The following DCDC1 variants were observed in gnomAD, a reference collection of about 807,000 sequenced individuals.
The protein encoded by DCDC1 is doublecortin domain containing 1, also known as doublecortin domain-containing protein 1.
A neutral mutation model predicts 178.3 loss-of-function variants in DCDC1; 200 were observed. The observed-to-expected ratio is 1.12, with a 90% CI of 1.00 to 1.26. The LOEUF is 1.26. Ranked by LOEUF, DCDC1 falls within the 50% of genes most tolerant of loss-of-function variation. The probability of loss-of-function intolerance (pLI) is 0.00; values close to 1 mark genes in which losing one functional copy is unlikely to be tolerated. For missense variants in DCDC1, 1,983 were observed against 1,749.2 expected (o/e 1.13, Z -2.38); for synonymous variants, 690 against 604.8 (o/e 1.14, Z -2.07).
chr11:31,031,056 C>A (rs944968762), intron 20 of DCDC1, among the ~76,000 whole-genome samples: 1 of 152,078 alleles, frequency 6.6e-6, no homozygotes, highest in African/African-American at 2.4e-5. Context: ...ATTGTAATTT[C>A]TGATGAATTA....
At position 30,903,669 on chromosome 11, in the gene DCDC1, G is replaced by A; in HGVS notation, c.4323C>T (p.Cys1441=). 2.5e-6 allele frequency: 4 copies of A among 1,602,804 alleles called. No homozygotes were observed. The highest frequency in any genetic ancestry group is 3.4e-6 in the Non-Finnish European group (4 of 1,174,132). Residue 1441 remains cysteine (C), a synonymous_variant, in exon 32 of 39, where the codon TGC becomes TGT. Coordinates refer to ENST00000684477, the MANE Select transcript of DCDC1 (RefSeq NM_001387274.1). ...CTCTGGCAAGCCCAAGTTGTTCCGT[G>A]CATTCTGTAAGAAGCTAGATAACAC... ...AGTFPMLLTE[C]TEQLGLARAA...
intron 9 of DCDC1, among the ~76,000 whole-genome samples, chr11:31,208,878 C>T (rs1446683918): frequency 6.6e-6 from 1 of 152,200 alleles, no homozygotes; most frequent in Non-Finnish European, 1.5e-5. Context: ...AACCACTAGC[C>T]ATTCTCTGAA....
At chr11:31,166,887 G>A (rs1055222904) in intron 9 of DCDC1, among the ~76,000 whole-genome samples, 1 of 152,072 alleles carries the variant, frequency 6.6e-6, no homozygotes, top group Non-Finnish European at 1.5e-5. Context: ...ATGATGATTA[G>A]AGTTCTAGTA....
chr11:31,290,526 ATAAT>A, intron 7 of DCDC1, 117 bp downstream of exon 7: 1 of 1,106,944 alleles, frequency 9.0e-7, no homozygotes. Context: ...TTAGTTCTAT[ATAAT>A]GTCTTGTTAA....
chr11:30,915,447 A>C (rs1358009967), intron 27 of DCDC1, 64 bp downstream of exon 27: 1 of 1,566,338 alleles, frequency 6.4e-7, no homozygotes, highest in East Asian at 2.2e-5. Context: ...TGTGGGGACC[A>C]TGCTAGACTT....
chr11:30,919,465 A>G (rs1946086965), intron 25 of DCDC1, among the ~76,000 whole-genome samples: 1 of 152,196 alleles, frequency 6.6e-6, no homozygotes, highest in Admixed American at 6.5e-5. Flanking sequence ...ATTCAGAACA[A>G]TGACGATCTT....
At chr11:30,945,736 CTATCTAT>C (rs1947990031) in intron 21 of DCDC1, among the ~76,000 whole-genome samples, 1 of 145,810 alleles carries the variant, frequency 6.9e-6, no homozygotes. Context: ...ATCTATCTAT[CTATCTAT>C]CTATCTGTCT....
At chr11:31,356,003 C>T (rs866822357) in intron 1 of DCDC1, among the ~76,000 whole-genome samples, 26 of 152,174 alleles carry the variant, frequency 1.7e-4, no homozygotes, top group African/African-American at 6.3e-4. Flanking sequence ...GAATGAGTAA[C>T]TATTCCCAAT....
intron 20 of DCDC1, among the ~76,000 whole-genome samples, chr11:30,971,033 T>C (rs762252982): frequency 2.7e-4 from 41 of 152,094 alleles, no homozygotes; most frequent in Non-Finnish European, 5.6e-4. Context: ...ACACACAAAG[T>C]TCCACCTGGT....
chr11:31,305,099 C>T (rs1948367230), intron 6 of DCDC1, among the ~76,000 whole-genome samples: 1 of 151,866 alleles, frequency 6.6e-6, no homozygotes, highest in African/African-American at 2.4e-5. Flanking sequence ...AAAAAATAAT[C>T]AAGCTGGAAC....
intron 20 of DCDC1, among the ~76,000 whole-genome samples, chr11:31,059,873 A>G (rs961245225): frequency 6.6e-6 from 1 of 152,072 alleles, no homozygotes; most frequent in Non-Finnish European, 1.5e-5. Context: ...ATGTAATTCA[A>G]TTTTTAATAT....
intron 18 of DCDC1, among the ~76,000 whole-genome samples, chr11:31,073,926 A>C (rs1268533453): frequency 1.3e-5 from 2 of 152,168 alleles, no homozygotes; most frequent in Non-Finnish European, 2.9e-5. Flanking sequence ...AAATTTCTAA[A>C]ATGATGCAAG....
chr11:31,151,414 A>G (rs969851616), intron 9 of DCDC1, among the ~76,000 whole-genome samples: 2 of 152,200 alleles, frequency 1.3e-5, no homozygotes, highest in African/African-American at 4.8e-5. Flanking sequence ...CCTTTAATCT[A>G]GGAGAATTCA....
intron 7 of DCDC1, among the ~76,000 whole-genome samples, chr11:31,276,455 G>T (rs1475065841): frequency 6.6e-6 from 1 of 152,022 alleles, no homozygotes; most frequent in Admixed American, 6.6e-5. Context: ...TTTTGAGAAA[G>T]GGAATCTGTT....
intron 10 of DCDC1, among the ~76,000 whole-genome samples, chr11:31,136,732 C>T (rs1272005172): frequency 1.2e-4 from 18 of 152,050 alleles, no homozygotes; most frequent in African/African-American, 9.7e-5. Flanking sequence ...AGATTAAATG[C>T]TTTTGCATTC....
intron 11 of DCDC1, among the ~76,000 whole-genome samples, chr11:31,118,729 T>C (rs1960347356): frequency 6.6e-6 from 1 of 152,214 alleles, no homozygotes; most frequent in African/African-American, 2.4e-5. Flanking sequence ...GGGACAGTAA[T>C]ACAGCTCTGG....
chr11:31,064,898 A>G, intron 19 of DCDC1, 121 bp downstream of exon 19: 1 of 582,438 alleles, frequency 1.7e-6, no homozygotes, highest in South Asian at 2.3e-5. Context: ...ATTTTAAACT[A>G]TCCATAACAT....
At chr11:31,273,297 G>C (rs1003995048) in intron 7 of DCDC1, among the ~76,000 whole-genome samples, 3 of 152,112 alleles carry the variant, frequency 2.0e-5, no homozygotes, top group African/African-American at 7.2e-5. Context: ...TTTATGCTCT[G>C]CTTCCTTTAT....
At chr11:31,139,470 G>A (rs891955019) in intron 9 of DCDC1, among the ~76,000 whole-genome samples, 1 of 152,174 alleles carries the variant, frequency 6.6e-6, no homozygotes, top group African/African-American at 2.4e-5. Context: ...TATTTGATCA[G>A]GGGAGCTCTC....
Sources: allele counts gnomAD v4.1 joint callset (sites outside exome capture counted in the v4.1 genomes callset), GRCh38; gene constraint gnomAD v4.1.1; transcripts MANE v1.5; gene names NCBI Gene and HGNC (gene_info 2026-07-23, HGNC 2026-07-21).